Variants in SYNE2 observed in about 807,000 individuals in gnomAD.
SYNE2 encodes nesprin-2.
Under a neutral mutation model 856.3 loss-of-function variants are expected in SYNE2, and 431 were observed. The observed-to-expected ratio is 0.50, with a 90% CI of 0.47 to 0.55. SYNE2 has a LOEUF of 0.55. Ranked by LOEUF, SYNE2 falls within the 20% of genes least tolerant of loss-of-function variation. SYNE2 has a pLI of 0.00. For synonymous variants in SYNE2, 2,923 were observed against 2,872.3 expected, an observed-to-expected ratio of 1.02 and a Z score of -0.56; for missense variants, 8,129 against 8,023.2, an observed-to-expected ratio of 1.01 and a Z score of -0.50.
At chr14:63,814,691 T>TATATATATCC (rs1470090518) in intron 1 of SYNE2, among the ~76,000 whole-genome samples, 2 of 110,512 alleles carry the variant, frequency 1.8e-5, no homozygotes, top group Non-Finnish European at 3.6e-5. Flanking sequence ...TATATATCCA[T>TATATATATCC]ATATATATCC....
chr14:63,961,911 A>T (rs886401999), intron 9 of SYNE2, among the ~76,000 whole-genome samples: 1 of 151,380 alleles, frequency 6.6e-6, no homozygotes, highest in South Asian at 2.1e-4. Flanking sequence ...GTTCAAAGGG[A>T]TAATTTATTA....
intron 99 of SYNE2, among the ~76,000 whole-genome samples, chr14:64,191,499 G>C (rs2098518602): frequency 1.3e-5 from 2 of 152,174 alleles, no homozygotes; most frequent in African/African-American, 4.8e-5. Context: ...CATACATTGA[G>C]AGCAAACAGG....
At position 63,949,810 on chromosome 14, in the gene SYNE2, C is replaced by T; in HGVS notation, c.409-15C>T. On this transcript the variant is annotated splice_polypyrimidine_tract_variant and intron_variant, in intron 6 of 115. Transcript: ENST00000555002. ...TATGCTTTTATAAACGTTAAGTCTA[C>T]TTTGCCTTCCTTAGATTGAGAAGCT... 6.2e-7 allele frequency: 1 copy of T among 1,614,048 alleles called. No homozygotes were observed. Among genetic ancestry groups the T allele is most frequent in the Non-Finnish European group, 8.5e-7 (1 of 1,179,940 alleles).
chr14:64,179,678 T>C (rs11844444), intron 96 of SYNE2, among the ~76,000 whole-genome samples: 7,350 of 152,278 alleles, frequency 0.048, 412 homozygotes, highest in African/African-American at 0.13. Context: ...ATATTTGCCC[T>C]TTTGTGAATT....
chr14:63,964,079 A>T, intron 10 of SYNE2, 79 bp downstream of exon 10: 1 of 891,512 alleles, frequency 1.1e-6, no homozygotes, highest in Non-Finnish European at 1.8e-6. Flanking sequence ...AAACTCTTTC[A>T]GGCTTAAGTA....
At chr14:63,994,363 T>A (rs1032624167) in intron 22 of SYNE2, among the ~76,000 whole-genome samples, 8 of 152,212 alleles carry the variant, frequency 5.3e-5, no homozygotes, top group African/African-American at 1.9e-4. Flanking sequence ...ATAATTAAAA[T>A]GTGTGTGTCT....
intron 70 of SYNE2, 107 bp downstream of exon 70, chr14:64,122,534 AGTTTT>A: frequency 6.9e-7 from 1 of 1,454,398 alleles, no homozygotes; most frequent in Non-Finnish European, 9.5e-7. Flanking sequence ...TTGCCAAGTG[AGTTTT>A]TTACTTGGCT....
intron 31 of SYNE2, among the ~76,000 whole-genome samples, chr14:64,009,551 A>G (rs893999661): frequency 6.6e-6 from 1 of 151,606 alleles, no homozygotes; most frequent in African/African-American, 2.4e-5. Flanking sequence ...AAAAAAAAAA[A>G]AAAAAAAAGA....
chr14:64,143,656 A>C, intron 82 of SYNE2, 116 bp from the exon 83 acceptor site: 1 of 1,064,450 alleles, frequency 9.4e-7, no homozygotes, highest in Non-Finnish European at 1.5e-6. Context: ...AACTCCTGAC[A>C]GGTGCCCCTT....
intron 64 of SYNE2, among the ~76,000 whole-genome samples, chr14:64,106,716 G>A (rs2097774139): frequency 6.6e-6 from 1 of 152,100 alleles, no homozygotes; most frequent in Non-Finnish European, 1.5e-5. Flanking sequence ...CTTAGATTAT[G>A]GTATCTTTTG....
At chr14:64,145,491 G>A (rs566877620) in intron 83 of SYNE2, among the ~76,000 whole-genome samples, 1 of 137,404 alleles carries the variant, frequency 7.3e-6, no homozygotes, top group Non-Finnish European at 1.5e-5. Flanking sequence ...CTGGGTGACA[G>A]AGCGAGACTC....
intron 59 of SYNE2, among the ~76,000 whole-genome samples, chr14:64,089,958 G>A (rs1314531915): frequency 2.6e-5 from 4 of 152,196 alleles, no homozygotes; most frequent in Non-Finnish European, 2.9e-5. Context: ...GCTGAACTGG[G>A]TTCCAGCCCC....
At chr14:64,107,655 C>A in intron 65 of SYNE2, 48 bp downstream of exon 65, 4 of 1,426,142 alleles carry the variant, frequency 2.8e-6, no homozygotes, top group Non-Finnish European at 3.0e-6. Flanking sequence ...GCTGGACTAG[C>A]ACCTAGAGAT....
At chr14:63,855,470 C>T (rs114790534) in intron 1 of SYNE2, among the ~76,000 whole-genome samples, 1,600 of 152,266 alleles carry the variant, frequency 0.011, 31 homozygotes, top group African/African-American at 0.036. Flanking sequence ...ACTCGAGTGT[C>T]TACAGCCAAA....
chr14:64,219,561 G>A, intron 110 of SYNE2, 151 bp downstream of exon 110: 1 of 806,524 alleles, frequency 1.2e-6, no homozygotes, highest in Non-Finnish European at 2.1e-6. Context: ...CAGTTCCATA[G>A]TTGGCAAGGA....
intron 109 of SYNE2, 98 bp from the exon 110 acceptor site, chr14:64,219,110 T>TTG (rs1555556138): frequency 1.8e-5 from 16 of 906,440 alleles, no homozygotes; most frequent in Admixed American, 1.5e-4. Flanking sequence ...TTTTGTTTTT[T>TTG]TTTTTTTTTT....
upstream of SYNE2, among the ~76,000 whole-genome samples, chr14:63,849,687 A>G (rs532445937): frequency 1.3e-5 from 2 of 152,320 alleles, no homozygotes; most frequent in East Asian, 3.9e-4. Flanking sequence ...ATGCAGAAAT[A>G]TAAATAGCAA....
intron 1 of SYNE2, among the ~76,000 whole-genome samples, chr14:63,843,558 C>T (rs1890138356): frequency 6.6e-6 from 1 of 152,104 alleles, no homozygotes; most frequent in Non-Finnish European, 1.5e-5. Flanking sequence ...AGCATCCTTG[C>T]TTTTTTCCTG....
At chr14:64,043,180 C>T (rs2097161206) in intron 45 of SYNE2, among the ~76,000 whole-genome samples, 1 of 152,090 alleles carries the variant, frequency 6.6e-6, no homozygotes, top group Non-Finnish European at 1.5e-5. Flanking sequence ...TTTAGGGTAT[C>T]TGGTGGAAGA....
Sources: allele counts gnomAD v4.1 joint callset (sites outside exome capture counted in the v4.1 genomes callset), GRCh38; gene constraint gnomAD v4.1.1; transcripts MANE v1.5; gene names NCBI Gene and HGNC (gene_info 2026-07-23, HGNC 2026-07-21).